The following TOMM40L variants were observed in gnomAD, a reference collection of about 807,000 sequenced individuals.
The protein encoded by TOMM40L is mitochondrial import receptor subunit TOM40B.
A neutral mutation model predicts 38.3 loss-of-function variants in TOMM40L; 17 were observed. The observed-to-expected ratio is 0.44, with a 90% CI of 0.30 to 0.67. The LOEUF (loss-of-function observed/expected upper bound fraction) is 0.67, where lower values mean the gene tolerates loss of function less well. TOMM40L is among the 30% of genes least tolerant of loss of function. The probability of loss-of-function intolerance (pLI) is 0.08; values close to 1 mark genes in which losing one functional copy is unlikely to be tolerated. For synonymous variants in TOMM40L, 151 were observed against 150.2 expected (o/e 1.01, Z -0.04); for missense variants, 294 against 390.0 (o/e 0.75, Z 2.07).
intron 4 of TOMM40L, 55 bp from the exon 5 acceptor site, chr1:161,227,581 T>C: frequency 6.7e-7 from 1 of 1,493,168 alleles, no homozygotes; most frequent in Non-Finnish European, 9.3e-7. Flanking sequence ...TATTTGGGTT[T>C]AGGCTGAGTG....
Position 161,226,411 on chromosome 1 carries a change from TG to T in TOMM40L, c.-75del. On this transcript the variant is annotated 5_prime_UTR_variant, in exon 2 of 10. The change creates a premature stop within an existing upstream ORF in the 5' untranslated region. Coordinates refer to ENST00000367988, the MANE Select transcript of TOMM40L (RefSeq NM_032174.6). The stretch of plus-strand genomic sequence containing the variant: ...GGCTGGGGAGCCGGATAATGGGGGG[TG>T]GGGCCCGTTGGGGGGTAAAGGGGCA... 2 of 1,211,468 alleles carry T rather than the reference TG, an allele frequency of 1.7e-6. No individual in the cohort carries two copies. The highest frequency in any genetic ancestry group is 2.3e-6 in the Non-Finnish European group (2 of 883,600). The allele number at this position is 1,211,468 out of a possible 1,614,324, so 75.0% of individuals were successfully genotyped here.
In TOMM40L at chr1:161,230,296, T is replaced by G; in HGVS notation, c.*1201T>G. The G allele has an allele frequency of 3.4e-6, 1 of 291,418 alleles. No individual in the cohort carries two copies. 18.1% of individuals were successfully genotyped at this position (291,418 alleles called of 1,614,324 possible). A position where few individuals can be genotyped will look rare whatever the true frequency, so the allele number is the denominator to read the frequency against. On this transcript the variant is annotated 3_prime_UTR_variant, in exon 10 of 10. Coordinates refer to ENST00000367988, the MANE Select transcript of TOMM40L (RefSeq NM_032174.6). ...TAAAGCATCCCCTTTCTGGCCAAAC[T>G]AGCTCTTGGAGGAACGAGCAAAACA...
At position 161,230,739 on chromosome 1, in the gene TOMM40L, C is replaced by T. The variant is rs928604153; in HGVS notation, c.*1644C>T. On this transcript the variant is annotated 3_prime_UTR_variant, in exon 10 of 10. Coordinates refer to ENST00000367988, the MANE Select transcript of TOMM40L (RefSeq NM_032174.6). ...AAGGAAAGGACAGTAAAAAAACATT[C>T]CTCCCAAGCTCAATGTTTCACCAAC... 6.3e-7 allele frequency: 1 copy of T among 1,598,044 alleles called. No individual in the cohort carries two copies. Among genetic ancestry groups the T allele is most frequent in the Admixed American group, 1.7e-5 (1 of 59,718 alleles).
At chr1:161,226,208 A>C in intron 1 of TOMM40L, 72 bp downstream of exon 1, 2 of 369,918 alleles carry the variant, frequency 5.4e-6, no homozygotes, top group Non-Finnish European at 1.0e-5. Context: ...CTAGGGAGCT[A>C]GGTGAAGTCT....
In TOMM40L at chr1:161,228,607, G is replaced by A. The variant is rs904710194; in HGVS notation, c.684+103G>A. On this transcript the variant is annotated intron_variant, in intron 8 of 9. Coordinates refer to ENST00000367988, the MANE Select transcript of TOMM40L (RefSeq NM_032174.6). ...GCTGACCTATTTTTCTTCCTACCAC[G>A]CTGTGTATATATTTACATGCATGCC... 1.5e-5 allele frequency: 23 copies of A among 1,557,740 alleles called. No homozygotes were observed. The African/African-American group carries it at 2.2e-4, about 15-fold the overall frequency.
intron 3 of TOMM40L, 70 bp downstream of exon 3, chr1:161,227,025 T>G: frequency 6.3e-7 from 1 of 1,580,438 alleles, no homozygotes; most frequent in Non-Finnish European, 8.7e-7. Flanking sequence ...TCTCCTTTCC[T>G]TTGTACTCCA....
intron 8 of TOMM40L, 78 bp downstream of exon 8, chr1:161,228,582 G>C: frequency 6.3e-7 from 1 of 1,581,062 alleles, no homozygotes; most frequent in Admixed American, 1.7e-5. Flanking sequence ...CTATCGCCCT[G>C]CTGACCTATT....
chr1:161,230,062 G>A lies in TOMM40L; in HGVS notation c.*967G>A, dbSNP rs1250274273. 2 of 1,057,814 alleles carry A rather than the reference G, an allele frequency of 1.9e-6. No homozygotes were observed. The highest frequency in any genetic ancestry group is 2.5e-5 in the Admixed American group (1 of 40,268). 65.5% of individuals were successfully genotyped at this position (1,057,814 alleles called of 1,614,324 possible). ...GAACATTAGAGAAAATCATGCTCTG[G>A]TATGACAGACTATCAGAGGTTCCAA... On this transcript the variant is annotated 3_prime_UTR_variant, in exon 10 of 10. Transcript: ENST00000367988.
Position 161,229,483 on chromosome 1 carries a change from G to C in TOMM40L, c.*388G>C, listed in dbSNP as rs1046145458. 4.1e-6 allele frequency: 3 copies of C among 737,212 alleles called. No homozygotes were observed. Among genetic ancestry groups the C allele is most frequent in the South Asian group, 3.8e-5 (2 of 53,046 alleles). 45.7% of individuals were successfully genotyped at this position (737,212 alleles called of 1,614,324 possible). Reference sequence around the variant, plus strand: ...GTTTTCCATCCCAGAGCCTCCCAAGGCTGGGAAAGTAGGGCTGAAGGGCTA... The same window carrying C: ...GTTTTCCATCCCAGAGCCTCCCAAGCCTGGGAAAGTAGGGCTGAAGGGCTA... On this transcript the variant is annotated 3_prime_UTR_variant, in exon 10 of 10. Transcript: ENST00000367988.
rs373882046 is a variant in TOMM40L at position 161,229,850 on chromosome 1, G to A, written c.*755G>A. Reference sequence around the variant, plus strand: ...ATCATGGCAGACAGGCCCTGGATGTGCTGGATTTGGTACCCGTAGGCCTCA... The same window carrying A: ...ATCATGGCAGACAGGCCCTGGATGTACTGGATTTGGTACCCGTAGGCCTCA... On this transcript the variant is annotated 3_prime_UTR_variant, in exon 10 of 10. Coordinates refer to ENST00000367988, the MANE Select transcript of TOMM40L (RefSeq NM_032174.6). The A allele has an allele frequency of 3.1e-6, 5 of 1,614,114 alleles. No individual in the cohort carries two copies. The highest frequency in any genetic ancestry group is 4.2e-6 in the Non-Finnish European group (5 of 1,180,058).
Position 161,226,923 on chromosome 1 carries a change from G to T in TOMM40L, c.151G>T (p.Val51Phe). 2 of 1,614,104 alleles carry T rather than the reference G, an allele frequency of 1.2e-6. No individual in the cohort carries two copies. Among genetic ancestry groups the T allele is most frequent in the Non-Finnish European group, 1.7e-6 (2 of 1,180,002 alleles). ...FPAQMEGVKL[V>F]VNKVLSSHFQ... ...AGCACAGATGGAGGGAGTGAAGCTC[G>T]TTGTCAACAAGGTTCTGAGCAGCCA... Residue 51 changes from valine to phenylalanine, a missense_variant, in exon 3 of 10, where the codon GTT (valine) becomes TTT (phenylalanine). Physicochemically the swap from Val to Phe is conservative, Grantham distance 50. Coordinates refer to ENST00000367988, the MANE Select transcript of TOMM40L (RefSeq NM_032174.6).
In TOMM40L at chr1:161,230,566, C is replaced by G. The variant is rs1335304469; in HGVS notation, c.*1471C>G. On this transcript the variant is annotated 3_prime_UTR_variant, in exon 10 of 10. Coordinates refer to ENST00000367988, the MANE Select transcript of TOMM40L (RefSeq NM_032174.6). ...GCTATTACCCAGAGCCTCTGAGCTA[C>G]TACTTTGCATCTGTACTGAATAAAA... 1 of 587,360 alleles carries G rather than the reference C, an allele frequency of 1.7e-6. No homozygotes were observed. The highest frequency in any genetic ancestry group is 3.0e-6 in the Non-Finnish European group (1 of 333,206). The allele number at this position is 587,360 out of a possible 1,614,324, so 36.4% of individuals were successfully genotyped here.
At position 161,226,447 on chromosome 1, in the gene TOMM40L, T is replaced by C. The variant is rs1455951971; in HGVS notation, c.-43T>C. 2 of 1,575,204 alleles carry C rather than the reference T, an allele frequency of 1.3e-6. No individual in the cohort carries two copies. The highest frequency in any genetic ancestry group is 1.7e-6 in the Non-Finnish European group (2 of 1,153,552). On this transcript the variant is annotated 5_prime_UTR_variant, in exon 2 of 10. Coordinates refer to ENST00000367988, the MANE Select transcript of TOMM40L (RefSeq NM_032174.6). Reference sequence around the variant, plus strand: ...GGGGGGTAAAGGGGCAATAGCGTCCTTTCACAGGCTAACCTCGGCTCTTCC... The same window carrying C: ...GGGGGGTAAAGGGGCAATAGCGTCCCTTCACAGGCTAACCTCGGCTCTTCC...
rs757066580 is a variant in TOMM40L at position 161,229,969 on chromosome 1, A to C, written c.*874A>C. ...GGGTTGCCAGGAAAACAGGAGGGAA[A>C]TAAGGCAGTTGGGAGTCTTGTCTCT... On this transcript the variant is annotated 3_prime_UTR_variant, in exon 10 of 10. Coordinates refer to ENST00000367988, the MANE Select transcript of TOMM40L (RefSeq NM_032174.6). 5.6e-6 allele frequency: 9 copies of C among 1,612,086 alleles called. No individual in the cohort carries two copies. Among genetic ancestry groups the C allele is most frequent in the Non-Finnish European group, 7.6e-6 (9 of 1,178,898 alleles).
Position 161,228,315 on chromosome 1 carries a change from G to A in TOMM40L, c.607+7G>A. 6.2e-7 allele frequency: 1 copy of A among 1,607,204 alleles called. No homozygotes were observed. The highest frequency in any genetic ancestry group is 8.5e-7 in the Non-Finnish European group (1 of 1,175,308). On this transcript the variant is annotated splice_region_variant and intron_variant, in intron 7 of 9. Transcript: ENST00000367988. ...CTGGCTGGGAAGTACTCGGGTATGGGGCGAAGTGAAGTAGTGGTGGTGGTG... is the reference window on the plus strand; with the variant it reads ...CTGGCTGGGAAGTACTCGGGTATGGAGCGAAGTGAAGTAGTGGTGGTGGTG...
Position 161,229,764 on chromosome 1 carries a change from C to T in TOMM40L, c.*669C>T. ...CCCACTCCAGTGTATCCAGGGTGTT[C>T]CAGGTGAGCTGGGGAAGGAAGTGAG... On this transcript the variant is annotated 3_prime_UTR_variant, in exon 10 of 10. Transcript: ENST00000367988. 1.2e-6 allele frequency: 2 copies of T among 1,614,214 alleles called. No homozygotes were observed. The highest frequency in any genetic ancestry group is 1.7e-6 in the Non-Finnish European group (2 of 1,180,048).
Position 161,226,135 on chromosome 1 carries a change from T to G in TOMM40L, c.-137T>G. 1 of 186,882 alleles carries G rather than the reference T, an allele frequency of 5.4e-6. No homozygotes were observed. Among genetic ancestry groups the G allele is most frequent in the Non-Finnish European group, 1.1e-5 (1 of 89,982 alleles). 11.6% of individuals were successfully genotyped at this position (186,882 alleles called of 1,614,324 possible). A position where few individuals can be genotyped will look rare whatever the true frequency, so the allele number is the denominator to read the frequency against. Reference sequence around the variant, plus strand: ...AAAGGGGCAGCATGATGGTCTGAGATGGTAAGGGATACTGCACCATTGCGG... The same window carrying G: ...AAAGGGGCAGCATGATGGTCTGAGAGGGTAAGGGATACTGCACCATTGCGG... On this transcript the variant is annotated splice_region_variant and 5_prime_UTR_variant, in exon 1 of 10. It removes an upstream start codon present in the reference 5' UTR. Transcript: ENST00000367988.
rs369177277 is a variant in TOMM40L at position 161,228,424 on chromosome 1, A to G, written c.608-4A>G. ...CCTTCCCCTCTGTACTTTGGATTTT[A>G]CAGCTGTACACTGGGTAGCTACATT... On this transcript the variant is annotated splice_region_variant and splice_polypyrimidine_tract_variant and intron_variant, in intron 7 of 9. Transcript: ENST00000367988. 6.2e-7 allele frequency: 1 copy of G among 1,613,830 alleles called. No homozygotes were observed. The highest frequency in any genetic ancestry group is 8.5e-7 in the Non-Finnish European group (1 of 1,179,986).
At position 161,229,840 on chromosome 1, in the gene TOMM40L, C is replaced by T. The variant is rs1384340586; in HGVS notation, c.*745C>T. ...GAGCAGCGGCATCATGGCAGACAGGCCCTGGATGTGCTGGATTTGGTACCC... is the reference window on the plus strand; with the variant it reads ...GAGCAGCGGCATCATGGCAGACAGGTCCTGGATGTGCTGGATTTGGTACCC... On this transcript the variant is annotated 3_prime_UTR_variant, in exon 10 of 10. Coordinates refer to ENST00000367988, the MANE Select transcript of TOMM40L (RefSeq NM_032174.6). 1.9e-6 allele frequency: 3 copies of T among 1,614,090 alleles called. No individual in the cohort carries two copies. Among genetic ancestry groups the T allele is most frequent in the Admixed American group, 3.3e-5 (2 of 59,996 alleles).
Sources: allele counts gnomAD v4.1 joint callset, GRCh38; gene constraint gnomAD v4.1.1; transcripts MANE v1.5; gene names NCBI Gene and HGNC (gene_info 2026-07-23, HGNC 2026-07-21).